Variants in SCAMP2 observed in about 807,000 individuals in gnomAD.
SCAMP2 encodes the protein secretory carrier membrane protein 2.
A neutral mutation model predicts 44.1 loss-of-function variants in SCAMP2; 25 were observed. The observed-to-expected ratio is 0.57, with a 90% confidence interval of 0.41 to 0.79. The LOEUF (loss-of-function observed/expected upper bound fraction) is 0.79. Among genes scored for constraint, SCAMP2 ranks in the 30% least tolerant of loss-of-function variants. The pLI is 0.00. For missense variants in SCAMP2, 355 were observed against 411.0 expected (o/e 0.86, Z 1.18); for synonymous variants, 156 against 166.0 (o/e 0.94, Z 0.46).
Position 74,850,576 on chromosome 15 carries a change from C to T in SCAMP2, c.570G>A (p.Trp190Ter), listed in dbSNP as rs1286355330. The T allele has an allele frequency of 1.2e-6, 2 of 1,614,012 alleles. No homozygotes were observed. The highest frequency in any genetic ancestry group is 1.7e-6 in the Non-Finnish European group (2 of 1,180,024). The change falls in exon 6 of 9, where the codon TGG (tryptophan) becomes TGA (stop). Residue 190 changes from tryptophan (W) to a stop codon, truncating the protein, a stop_gained. Coordinates refer to ENST00000268099, the MANE Select transcript of SCAMP2 (RefSeq NM_005697.5). LOFTEE classifies it high-confidence loss of function. ...AGGCACAGGGAGTGAAGATCAGAAA[C>T]CACAGGATGGAGAGGCCAAAGTCCA... ...KGVDFGLSIL[W>*]FLIFTPCAFL... is the part of the protein sequence containing the mutation.
At chr15:74,871,453 TA>T (rs1322467907) in intron 1 of SCAMP2, among the ~76,000 whole-genome samples, 2 of 150,776 alleles carry the variant, frequency 1.3e-5, no homozygotes, top group African/African-American at 2.4e-5. Context: ...GACCCTGCCT[TA>T]AAAAAGGAAG....
At chr15:74,868,082 C>G (rs139630111) in intron 1 of SCAMP2, among the ~76,000 whole-genome samples, 1 of 152,130 alleles carries the variant, frequency 6.6e-6, no homozygotes, top group Non-Finnish European at 1.5e-5. Flanking sequence ...AAGCAGAGAC[C>G]GAAATACTCA....
intron 5 of SCAMP2, among the ~76,000 whole-genome samples, chr15:74,850,970 A>T (rs2064431655): frequency 6.6e-6 from 1 of 152,160 alleles, no homozygotes; most frequent in Non-Finnish European, 1.5e-5. Context: ...TTCTCTTAGC[A>T]ATGCTTTTCC....
intron 1 of SCAMP2, among the ~76,000 whole-genome samples, chr15:74,859,616 CTTTT>C (rs386383489): frequency 7.5e-6 from 1 of 132,566 alleles, no homozygotes; most frequent in Admixed American, 7.9e-5. Context: ...GAAAACCACA[CTTTT>C]TTTTTTTTTT....
chr15:74,853,770 C>T (rs2064450577), intron 3 of SCAMP2: 3 of 549,014 alleles, frequency 5.5e-6, no homozygotes, highest in Non-Finnish European at 9.8e-6. Flanking sequence ...CTGGAGGCAC[C>T]GAGGAGCCCG....
chr15:74,865,145 C>T (rs1292936764), intron 1 of SCAMP2, among the ~76,000 whole-genome samples: 1 of 141,832 alleles, frequency 7.1e-6, no homozygotes, highest in Non-Finnish European at 1.5e-5. Flanking sequence ...CTTTGGGAGG[C>T]CAAGGCAGGT....
In SCAMP2 at chr15:74,845,215, C is replaced by T. The variant is rs748833322; in HGVS notation, c.858G>A (p.Val286=). ...AVLSVFLLQR[V]HSLYRRTGAS... ...CCCCTGTCCGTCGGTAGAGGGAGTG[C>T]ACCTGGCGAAGAGGGGTGGGGTGAG... Residue 286 remains valine, a splice_region_variant and synonymous_variant, in exon 9 of 9, where the codon GTG becomes GTA. Coordinates refer to ENST00000268099, the MANE Select transcript of SCAMP2 (RefSeq NM_005697.5). 1.9e-5 allele frequency: 30 copies of T among 1,612,298 alleles called. No individual in the cohort carries two copies. Among genetic ancestry groups the T allele is most frequent in the Admixed American group, 3.3e-5 (2 of 59,946 alleles).
At chr15:74,868,596 T>C (rs989890869) in intron 1 of SCAMP2, among the ~76,000 whole-genome samples, 1 of 152,096 alleles carries the variant, frequency 6.6e-6, no homozygotes, top group Admixed American at 6.5e-5. Context: ...CAGGCTGGAG[T>C]GCAAAGGCAC....
At chr15:74,856,311 G>C (rs547377534) in intron 1 of SCAMP2, among the ~76,000 whole-genome samples, 2 of 115,310 alleles carry the variant, frequency 1.7e-5, no homozygotes, top group East Asian at 5.3e-4. Context: ...GTCACGCTCT[G>C]TCACCCAGGC....
chr15:74,861,917 A>AG (rs1555475077), intron 1 of SCAMP2, among the ~76,000 whole-genome samples: 11 of 149,086 alleles, frequency 7.4e-5, no homozygotes, highest in Non-Finnish European at 1.5e-4. Flanking sequence ...AAAAAAAAAA[A>AG]AAAGAAAGAA....
intron 1 of SCAMP2, among the ~76,000 whole-genome samples, chr15:74,863,903 G>C (rs1233586058): frequency 6.6e-6 from 1 of 152,174 alleles, no homozygotes; most frequent in Non-Finnish European, 1.5e-5. Flanking sequence ...TGATCATAGA[G>C]GAGAGAGTAA....
chr15:74,845,261 C>T lies in SCAMP2; in HGVS notation c.856-44G>A, dbSNP rs1340268223. ...GTGAGAGAAGCCTGTCCTTTGGGCC[C>T]ACCAGGAAGCCAGCCATCCAGGTTA... On this transcript the variant is annotated intron_variant, in intron 8 of 8. Coordinates refer to ENST00000268099, the MANE Select transcript of SCAMP2 (RefSeq NM_005697.5). The T allele has an allele frequency of 3.7e-6, 6 of 1,601,996 alleles. No homozygotes were observed. The African/African-American group carries it at 4.0e-5, about 11-fold the overall frequency.
intron 1 of SCAMP2, among the ~76,000 whole-genome samples, chr15:74,856,940 A>G (rs2064472606): frequency 6.6e-6 from 1 of 152,214 alleles, no homozygotes; most frequent in African/African-American, 2.4e-5. Context: ...ACATAGCCAC[A>G]GAGTGACCCC....
chr15:74,866,837 T>C (rs12902273), intron 1 of SCAMP2, among the ~76,000 whole-genome samples: 1 of 150,282 alleles, frequency 6.7e-6, no homozygotes, highest in East Asian at 1.9e-4. Flanking sequence ...CGCTCTGTCA[T>C]GCAGGCTGGG....
intron 3 of SCAMP2, chr15:74,853,775 A>G: frequency 1.8e-6 from 1 of 558,598 alleles, no homozygotes; most frequent in South Asian, 2.1e-5. Context: ...GGCACCGAGG[A>G]GCCCGGCCTG....
intron 6 of SCAMP2, 97 bp downstream of exon 6, chr15:74,850,417 C>T: frequency 9.2e-7 from 1 of 1,089,248 alleles, no homozygotes. Context: ...TTCTATTCTG[C>T]TCTAAGACTC....
chr15:74,850,755 G>T, intron 5 of SCAMP2, 82 bp from the exon 6 acceptor site: 1 of 1,460,936 alleles, frequency 6.8e-7, no homozygotes, highest in Non-Finnish European at 9.4e-7. Context: ...CCCTAGGAGA[G>T]GTGAGGTTCA....
chr15:74,850,017 T>C (rs1385766729), intron 6 of SCAMP2, among the ~76,000 whole-genome samples: 1 of 152,128 alleles, frequency 6.6e-6, no homozygotes, highest in Non-Finnish European at 1.5e-5. Flanking sequence ...GCATAAACCC[T>C]GAGGTACAAT....
At chr15:74,848,767 G>C in intron 6 of SCAMP2, 66 bp from the exon 7 acceptor site, 1 of 1,168,964 alleles carries the variant, frequency 8.6e-7, no homozygotes, top group Admixed American at 1.9e-5. Flanking sequence ...TCCTTACTTG[G>C]TGTGACATCC....
Sources: gnomAD v4.1 joint callset for allele counts (sites outside exome capture counted in the v4.1 genomes callset) on GRCh38, gnomAD v4.1.1 for gene constraint, MANE v1.5 for transcripts, NCBI Gene and HGNC (gene_info 2026-07-23, HGNC 2026-07-21) for gene names.